The following SLA2 variants were observed in gnomAD, a reference collection of about 807,000 sequenced individuals.
SLA2 encodes Src like adaptor 2, also known as src-like-adapter 2.
SLA2 carries 22 observed loss-of-function variants against 27.3 expected under a neutral mutation model. That is an observed-to-expected ratio of 0.81 (90% CI 0.58 to 1.15). The LOEUF (loss-of-function observed/expected upper bound fraction) is 1.15. Ranked by LOEUF, SLA2 falls within the 50% of genes most tolerant of loss-of-function variation. The pLI is 0.00. For synonymous variants in SLA2, 131 were observed against 137.8 expected (o/e 0.95, Z 0.34); for missense variants, 304 against 322.2 (o/e 0.94, Z 0.43).
intron 5 of SLA2, among the ~76,000 whole-genome samples, chr20:36,619,244 G>A (rs1381178924): frequency 9.4e-6 from 1 of 106,180 alleles, no homozygotes; most frequent in African/African-American, 3.2e-5. Flanking sequence ...AAAAAAAAAA[G>A]GCTGGGTGCG....
intron 1 of SLA2, among the ~76,000 whole-genome samples, chr20:36,643,996 C>T (rs997503343): frequency 2.0e-5 from 3 of 151,960 alleles, no homozygotes; most frequent in Non-Finnish European, 4.4e-5. Context: ...CTGCTCCCTC[C>T]GTATGGGGAG....
At chr20:36,642,648 C>T (rs946067550) in intron 1 of SLA2, among the ~76,000 whole-genome samples, 7 of 151,812 alleles carry the variant, frequency 4.6e-5, no homozygotes, top group Admixed American at 1.3e-4. Context: ...TGCAATAGCA[C>T]GATCTCAGTT....
intron 5 of SLA2, among the ~76,000 whole-genome samples, chr20:36,624,293 G>A (rs1160174972): frequency 3.3e-5 from 5 of 152,122 alleles, no homozygotes; most frequent in Admixed American, 3.3e-4. Context: ...CCCTGGAAAG[G>A]CTCTGTGTGA....
chr20:36,614,737 TACTCACTGTCTACTTCC>T, intron 6 of SLA2: 3 of 985,464 alleles, frequency 3.0e-6, no homozygotes, highest in Non-Finnish European at 3.6e-6. Context: ...AGTCTACTTC[TACTCACTGTCTACTTCC>T]ACACAGAGTG....
At chr20:36,621,372 T>C (rs1006191680) in intron 5 of SLA2, 2 of 596,970 alleles carry the variant, frequency 3.4e-6, no homozygotes, top group Non-Finnish European at 6.4e-6. Flanking sequence ...CCTATGGTGG[T>C]GCTTATGGAT....
Position 36,641,211 on chromosome 20 carries a change from G to C in SLA2, c.91+34C>G. 2.5e-6 allele frequency: 4 copies of C among 1,569,292 alleles called. No individual in the cohort carries two copies. The Admixed American group carries it at 5.0e-5, about 20-fold the overall frequency. On this transcript the variant is annotated intron_variant, in intron 2 of 7. Transcript: ENST00000262866. The stretch of plus-strand genomic sequence containing the variant: ...GGCAGTGAAGTCTAGTACTGTGTGG[G>C]AAGAGCCTGGCTGTCACAGGCCCTG...
At chr20:36,631,456 T>G (rs1006462960) in intron 5 of SLA2, among the ~76,000 whole-genome samples, 1 of 152,200 alleles carries the variant, frequency 6.6e-6, no homozygotes, top group Non-Finnish European at 1.5e-5. Context: ...GCCCGGCCTG[T>G]ATTATTTTTA....
At chr20:36,614,069 A>AGTG in intron 7 of SLA2, 83 bp from the exon 8 acceptor site, 1 of 1,572,888 alleles carries the variant, frequency 6.4e-7, no homozygotes, top group Admixed American at 1.8e-5. Context: ...ACTGTTCTCA[A>AGTG]AACCCTTCAC....
At chr20:36,633,079 CT>C (rs1188259380) in intron 4 of SLA2, among the ~76,000 whole-genome samples, 1 of 151,970 alleles carries the variant, frequency 6.6e-6, no homozygotes, top group African/African-American at 2.4e-5. Context: ...CTGTTTTTTT[CT>C]TTTTTTACTG....
intron 2 of SLA2, among the ~76,000 whole-genome samples, chr20:36,639,335 C>T (rs2039483262): frequency 6.6e-6 from 1 of 152,026 alleles, no homozygotes; most frequent in Non-Finnish European, 1.5e-5. Context: ...CCAGTCTGCC[C>T]TGCAGATTTC....
intron 1 of SLA2, 110 bp from the exon 2 acceptor site, chr20:36,641,488 C>T (rs2039506369): frequency 1.7e-6 from 1 of 591,740 alleles, no homozygotes; most frequent in Admixed American, 2.6e-5. Flanking sequence ...ATGTGAATGA[C>T]CTCCCTCCTG....
chr20:36,630,272 C>G (rs2039380748), intron 5 of SLA2, among the ~76,000 whole-genome samples: 1 of 152,164 alleles, frequency 6.6e-6, no homozygotes, highest in Non-Finnish European at 1.5e-5. Context: ...CTGATGCTGC[C>G]TAGAAAATAG....
chr20:36,633,071 GT>G lies in SLA2; in HGVS notation c.279-374del, dbSNP rs1169443263. 7.2e-5 allele frequency among the ~76,000 whole-genome samples: 11 copies of G among 152,180 alleles called. No homozygotes were observed. In the South Asian group the frequency reaches 2.3e-3, roughly 32 times the overall value. On this transcript the variant is annotated intron_variant, in intron 4 of 7. Transcript: ENST00000262866. ...TCAGCTTTCCAAGAGCTGCCCCTCT[GT>G]TTTTTTCTTTTTTTACTGAGACAGG...
chr20:36,613,659 G>T lies in SLA2; in HGVS notation c.*207C>A. 1.8e-6 allele frequency: 1 copy of T among 540,592 alleles called. No homozygotes were observed. Among genetic ancestry groups the T allele is most frequent in the Non-Finnish European group, 3.2e-6 (1 of 315,660 alleles). The allele number at this position is 540,592 out of a possible 1,614,324, so 33.5% of individuals were successfully genotyped here. The stretch of plus-strand genomic sequence containing the variant: ...CTTCTCTGCACTCGCACTAGAGGTC[G>T]CAGGTGGGATCATGGCACTGGAAGG... On this transcript the variant is annotated 3_prime_UTR_variant, in exon 8 of 8. Transcript: ENST00000262866.
chr20:36,627,349 A>G (rs1259860526), intron 5 of SLA2, among the ~76,000 whole-genome samples: 1 of 152,190 alleles, frequency 6.6e-6, no homozygotes, highest in African/African-American at 2.4e-5. Context: ...ATGAGGGATC[A>G]GATAAGGAGC....
At chr20:36,620,936 C>G in intron 5 of SLA2, 1 of 313,294 alleles carries the variant, frequency 3.2e-6, no homozygotes. Flanking sequence ...ACAGAGGTAG[C>G]CTGCTGGATG....
chr20:36,615,489 T>C, intron 5 of SLA2, 115 bp from the exon 6 acceptor site: 1 of 1,157,406 alleles, frequency 8.6e-7, no homozygotes, highest in South Asian at 1.4e-5. Context: ...AAGGGAAGTG[T>C]CTGGGGCAGA....
intron 2 of SLA2, among the ~76,000 whole-genome samples, chr20:36,639,770 A>T (rs1447587801): frequency 6.6e-6 from 1 of 151,546 alleles, no homozygotes; most frequent in African/African-American, 2.4e-5. Flanking sequence ...CTGAGGCAGG[A>T]GAATGGCGTG....
chr20:36,631,172 A>G (rs1200380579), intron 5 of SLA2, among the ~76,000 whole-genome samples: 1 of 151,404 alleles, frequency 6.6e-6, no homozygotes, highest in African/African-American at 2.5e-5. Context: ...TTATTTTTTG[A>G]AATGGAGTCT....
Sources: gnomAD v4.1 joint callset for allele counts (sites outside exome capture counted in the v4.1 genomes callset) on GRCh38, gnomAD v4.1.1 for gene constraint, MANE v1.5 for transcripts, NCBI Gene and HGNC (gene_info 2026-07-23, HGNC 2026-07-21) for gene names.